CYP7B1: variants seen among roughly 807,000 people sequenced by gnomAD.
CYP7B1 encodes the protein cytochrome P450 family 7 subfamily B member 1.
A neutral mutation model predicts 42.7 loss-of-function variants in CYP7B1; 29 were observed. The observed-to-expected ratio is 0.68, with a 90% CI of 0.51 to 0.93. The LOEUF is 0.93. Ranked by LOEUF, CYP7B1 falls within the 40% of genes least tolerant of loss-of-function variation. The pLI is 0.00. For synonymous variants in CYP7B1, 235 were observed against 218.2 expected (o/e 1.08, Z -0.68); for missense variants, 655 against 600.5 (o/e 1.09, Z -0.95).
intron 1 of CYP7B1, among the ~76,000 whole-genome samples, chr8:64,768,049 G>C (rs1426887192): frequency 2.0e-5 from 3 of 152,182 alleles, no homozygotes; most frequent in Admixed American, 2.0e-4. Flanking sequence ...GATGGGACTA[G>C]CTGGATTTCC....
At chr8:64,599,195 C>CT (rs1016569807) in intron 5 of CYP7B1, among the ~76,000 whole-genome samples, 38 of 148,658 alleles carry the variant, frequency 2.6e-4, no homozygotes, top group African/African-American at 3.9e-4. Flanking sequence ...TTTTTCTTTT[C>CT]TTTTTTTTTT....
chr8:64,722,190 T>A (rs577158848), intron 1 of CYP7B1, among the ~76,000 whole-genome samples: 1 of 152,262 alleles, frequency 6.6e-6, no homozygotes, highest in Admixed American at 6.5e-5. Context: ...GCAAAACTAG[T>A]TTATAATTAC....
chr8:64,665,590 T>TTTTTTTTTTC, intron 1 of CYP7B1, among the ~76,000 whole-genome samples: 1 of 62,762 alleles, frequency 1.6e-5, no homozygotes, highest in Non-Finnish European at 3.0e-5. Context: ...TTTTTTTTTT[T>TTTTTTTTTTC]TTTGAGACGG....
chr8:64,662,963 C>A, intron 1 of CYP7B1, among the ~76,000 whole-genome samples: 1 of 152,304 alleles, frequency 6.6e-6, no homozygotes, highest in Admixed American at 6.5e-5. Context: ...CTTTTTCTCC[C>A]TTTGTTCTAC....
intron 1 of CYP7B1, among the ~76,000 whole-genome samples, chr8:64,694,825 G>A (rs1456490669): frequency 1.3e-5 from 2 of 152,086 alleles, no homozygotes; most frequent in Non-Finnish European, 2.9e-5. Flanking sequence ...GGAATGTAAT[G>A]GTTTCCCAGA....
At chr8:64,610,494 G>C (rs1016185252) in intron 4 of CYP7B1, among the ~76,000 whole-genome samples, 3 of 152,054 alleles carry the variant, frequency 2.0e-5, no homozygotes, top group Non-Finnish European at 4.4e-5. Flanking sequence ...TATAATATTT[G>C]AACGAGCTTT....
chr8:64,771,609 G>T (rs897257657), intron 1 of CYP7B1, among the ~76,000 whole-genome samples: 11 of 152,160 alleles, frequency 7.2e-5, no homozygotes, highest in Admixed American at 2.0e-4. Flanking sequence ...AGGTGCAGGG[G>T]TCAATGCCCT....
intron 1 of CYP7B1, among the ~76,000 whole-genome samples, chr8:64,697,639 C>T (rs1349335187): frequency 2.6e-5 from 4 of 152,272 alleles, no homozygotes; most frequent in Middle Eastern, 3.4e-3. Flanking sequence ...CTAGGAGATA[C>T]GCCACTGCTG....
chr8:64,798,509 C>A lies in CYP7B1; in HGVS notation c.79G>T (p.Ala27Ser). 6.6e-7 allele frequency: 1 copy of A among 1,507,870 alleles called. No homozygotes were observed. The highest frequency in any genetic ancestry group is 8.8e-7 in the Non-Finnish European group (1 of 1,137,056). The allele number at this position is 1,507,870 out of a possible 1,614,324, so 93.4% of individuals were successfully genotyped here. ...AAGCAGAGGGCCAGGAGCAGCAGGGCCGCGGCGAGGGCCAGGCCCGGGAGG... is the reference window on the plus strand; with the variant it reads ...AAGCAGAGGGCCAGGAGCAGCAGGGACGCGGCGAGGGCCAGGCCCGGGAGG... ...LGLPGLALAA[A>S]LLLLALCLLV... The change falls in exon 1 of 6, where the codon GCC becomes TCC. Residue 27 changes from alanine to serine, a missense_variant. Transcript: ENST00000310193.
At chr8:64,789,023 T>C (rs989194006) in intron 1 of CYP7B1, among the ~76,000 whole-genome samples, 1 of 152,074 alleles carries the variant, frequency 6.6e-6, no homozygotes, top group African/African-American at 2.4e-5. Context: ...TGGGTTCAAA[T>C]GATTCTCCTG....
At chr8:64,605,262 T>G (rs1805262753) in intron 4 of CYP7B1, among the ~76,000 whole-genome samples, 1 of 152,316 alleles carries the variant, frequency 6.6e-6, no homozygotes, top group South Asian at 2.1e-4. Flanking sequence ...AAAGCCAGAC[T>G]TAGCCATTTA....
At chr8:64,626,186 G>T (rs1239900984) in intron 1 of CYP7B1, among the ~76,000 whole-genome samples, 4 of 152,130 alleles carry the variant, frequency 2.6e-5, no homozygotes, top group Non-Finnish European at 4.4e-5. Flanking sequence ...TGTGTACCAG[G>T]ATGCAAGACT....
At chr8:64,614,650 C>T (rs1335077195) in intron 4 of CYP7B1, among the ~76,000 whole-genome samples, 1 of 152,152 alleles carries the variant, frequency 6.6e-6, no homozygotes, top group Non-Finnish European at 1.5e-5. Flanking sequence ...ACACAGGGTG[C>T]CTTTTTTGCA....
At position 64,594,515 on chromosome 8, in the gene CYP7B1, C is replaced by T. The variant is rs1805088656; in HGVS notation, c.*2127G>A. Among the ~76,000 whole-genome samples the T allele has an allele frequency of 6.6e-6, 1 of 151,858 alleles. No homozygotes were observed. Among genetic ancestry groups the T allele is most frequent in the African/African-American group, 2.4e-5 (1 of 41,296 alleles). On this transcript the variant is annotated 3_prime_UTR_variant, in exon 6 of 6. Transcript: ENST00000310193. ...TGCATCAAACACATTAGAATATTTG[C>T]CTATGATATTAGGAAGGGGTATGAA...
intron 5 of CYP7B1, among the ~76,000 whole-genome samples, chr8:64,599,258 G>A (rs1208326597): frequency 1.3e-5 from 2 of 151,766 alleles, no homozygotes; most frequent in Non-Finnish European, 2.9e-5. Context: ...GCGCGATCTC[G>A]GCTCACTGCA....
intron 1 of CYP7B1, among the ~76,000 whole-genome samples, chr8:64,750,565 AC>A (rs1173574603): frequency 1.3e-5 from 2 of 152,200 alleles, no homozygotes; most frequent in African/African-American, 2.4e-5. Context: ...TCCCTAAGCA[AC>A]CTTTAAGTAC....
intron 1 of CYP7B1, among the ~76,000 whole-genome samples, chr8:64,765,609 C>T (rs566677996): frequency 5.3e-5 from 8 of 152,286 alleles, no homozygotes; most frequent in African/African-American, 1.7e-4. Flanking sequence ...AGGACTGCTA[C>T]ATCAGTGAGC....
At chr8:64,680,183 G>GA (rs1563388253) in intron 1 of CYP7B1, among the ~76,000 whole-genome samples, 1 of 150,890 alleles carries the variant, frequency 6.6e-6, no homozygotes, top group Non-Finnish European at 1.5e-5. Flanking sequence ...TTATTTTATT[G>GA]TTTTTTTTCC....
At chr8:64,663,243 A>G (rs1806225396) in intron 1 of CYP7B1, among the ~76,000 whole-genome samples, 1 of 152,216 alleles carries the variant, frequency 6.6e-6, no homozygotes, top group African/African-American at 2.4e-5. Flanking sequence ...TTTATTTATA[A>G]TAGACAGTGA....
Sources: gnomAD v4.1 joint callset for allele counts (sites outside exome capture counted in the v4.1 genomes callset) on GRCh38, gnomAD v4.1.1 for gene constraint, MANE v1.5 for transcripts, NCBI Gene and HGNC (gene_info 2026-07-23, HGNC 2026-07-21) for gene names.